PIK3C2G: variants seen among roughly 807,000 people sequenced by gnomAD.
PIK3C2G encodes the protein phosphatidylinositol-4-phosphate 3-kinase catalytic subunit type 2 gamma, also known as phosphatidylinositol 3-kinase C2 domain-containing subunit gamma.
In PIK3C2G, 168 loss-of-function variants were observed where a neutral mutation model predicts 181.1. The ratio of observed to expected loss-of-function variants is 0.93; its 90% CI spans 0.82 to 1.05. The LOEUF (loss-of-function observed/expected upper bound fraction) is 1.05, where lower values mean the gene tolerates loss of function less well. Among genes scored for constraint, PIK3C2G ranks in the 50% least tolerant of loss-of-function variants. The pLI is 0.00. For synonymous variants in PIK3C2G, 573 were observed against 592.2 expected, an observed-to-expected ratio of 0.97 and a Z score of 0.47; for missense variants, 1,869 against 1,732.8, an observed-to-expected ratio of 1.08 and a Z score of -1.40.
intron 24 of PIK3C2G, among the ~76,000 whole-genome samples, chr12:18,533,378 T>C (rs1053809700): frequency 6.6e-5 from 10 of 152,136 alleles, no homozygotes; most frequent in African/African-American, 2.4e-4. Context: ...TTGGCACCTC[T>C]TCTCCCTCTC....
intron 29 of PIK3C2G, among the ~76,000 whole-genome samples, chr12:18,593,326 T>C (rs1413760749): frequency 2.0e-5 from 3 of 151,922 alleles, no homozygotes; most frequent in African/African-American, 7.3e-5. Flanking sequence ...CATTTTTTTT[T>C]CCATTGTAAG....
intron 3 of PIK3C2G, among the ~76,000 whole-genome samples, chr12:18,290,287 T>C (rs1949635062): frequency 6.6e-6 from 1 of 152,318 alleles, no homozygotes. Flanking sequence ...CTCATTTATG[T>C]GTAAGCAATT....
At chr12:18,348,208 T>C (rs73064562) in intron 11 of PIK3C2G, among the ~76,000 whole-genome samples, 16,984 of 151,858 alleles carry the variant, frequency 0.11, 1,300 homozygotes, top group Admixed American at 0.25. Context: ...AGGATAAATA[T>C]ATATATAAAT....
At chr12:18,539,172 C>G (rs963844572) in intron 25 of PIK3C2G, among the ~76,000 whole-genome samples, 1 of 151,846 alleles carries the variant, frequency 6.6e-6, no homozygotes, top group African/African-American at 2.4e-5. Context: ...GGTTTCAATC[C>G]TAGTTTGGCA....
chr12:18,503,836 T>C (rs1941658722), intron 23 of PIK3C2G, among the ~76,000 whole-genome samples: 1 of 152,244 alleles, frequency 6.6e-6, no homozygotes, highest in Non-Finnish European at 1.5e-5. Context: ...AGAGTTTATG[T>C]ATGTCATAAT....
Position 18,420,941 on chromosome 12 carries a change from T to G in PIK3C2G, c.2316T>G (p.Ser772Arg), listed in dbSNP as rs1337710646. 1.3e-6 allele frequency: 2 copies of G among 1,546,784 alleles called. No individual in the cohort carries two copies. The highest frequency in any genetic ancestry group is 2.7e-5 in the African/African-American group (2 of 73,500). The change falls in exon 17 of 33, where the codon AGT (serine) becomes AGG (arginine). Residue 772 changes from serine (S) to arginine (R), a missense_variant and splice_region_variant. Transcript: ENST00000538779. ...AGTGGATATATTTACTGTGTATTAG[T>G]TTTCCAGATCAAGAAATTCGTAAAG... ...PLEALGLLTS[S>R]FPDQEIRKVA...
intron 32 of PIK3C2G, among the ~76,000 whole-genome samples, chr12:18,647,102 T>A (rs1452975825): frequency 1.3e-5 from 2 of 152,142 alleles, no homozygotes; most frequent in Non-Finnish European, 2.9e-5. Flanking sequence ...TTCATGCAGA[T>A]TTTATTTAAT....
chr12:18,364,210 C>T (rs1255437097), intron 12 of PIK3C2G, among the ~76,000 whole-genome samples: 2 of 152,202 alleles, frequency 1.3e-5, no homozygotes, highest in African/African-American at 2.4e-5. Flanking sequence ...GTCCACCAGT[C>T]ATTCTTTGCA....
chr12:18,609,585 G>A lies in PIK3C2G; in HGVS notation c.4138G>A (p.Glu1380Lys), dbSNP rs770728627. The A allele has an allele frequency of 1.4e-5, 22 of 1,588,094 alleles. No homozygotes were observed. The highest frequency in any genetic ancestry group is 4.0e-5 in the African/African-American group (3 of 74,460). ...KPKVQLVISY[E>K]DVKLTILVKH... ...TAAGGTGCAGTTAGTCATATCCTAC[G>A]AGGATGTGAAGCTGACCATACTAGT... The change falls in exon 31 of 33, where the codon GAG becomes AAG. Residue 1380 changes from glutamate (E) to lysine (K), a missense_variant. Glu to Lys is a moderately conservative substitution (Grantham distance 56). Coordinates refer to ENST00000538779, the MANE Select transcript of PIK3C2G (RefSeq NM_001288772.2).
intron 27 of PIK3C2G, 131 bp from the exon 28 acceptor site, chr12:18,563,246 A>G (rs1236165640): frequency 1.3e-6 from 1 of 780,490 alleles, no homozygotes; most frequent in Non-Finnish European, 2.0e-6. Flanking sequence ...TACAAAATGC[A>G]TCTCCTAGCT....
chr12:18,525,690 C>T (rs1408371524), intron 24 of PIK3C2G, among the ~76,000 whole-genome samples: 1 of 152,150 alleles, frequency 6.6e-6, no homozygotes, highest in Non-Finnish European at 1.5e-5. Context: ...ATTTACACCA[C>T]ATAAAATTGG....
chr12:18,315,539 TTAAGGTCTG>T (rs1950822908), intron 6 of PIK3C2G, among the ~76,000 whole-genome samples: 1 of 152,176 alleles, frequency 6.6e-6, no homozygotes, highest in African/African-American at 2.4e-5. Context: ...CTCATGTAAA[TTAAGGTCTG>T]TTTAAAAACT....
At chr12:18,295,006 C>CCAAT (rs2137234625) in intron 5 of PIK3C2G, among the ~76,000 whole-genome samples, 1 of 150,402 alleles carries the variant, frequency 6.6e-6, no homozygotes, top group Non-Finnish European at 1.5e-5. Flanking sequence ...GGCCTTAAGA[C>CCAAT]TATTTTCCTT....
chr12:18,481,823 A>G (rs544510650), intron 18 of PIK3C2G, among the ~76,000 whole-genome samples: 1 of 152,214 alleles, frequency 6.6e-6, no homozygotes, highest in Admixed American at 6.5e-5. Flanking sequence ...CTACTGCCCC[A>G]GAATAAGATC....
chr12:18,659,529 A>T, the PIK3C2G span, among the ~76,000 whole-genome samples: 1 of 152,198 alleles, frequency 6.6e-6, no homozygotes, highest in East Asian at 1.9e-4. Context: ...CATTTAATGC[A>T]TAGACTTCCT....
chr12:18,540,645 T>A (rs184198263), intron 25 of PIK3C2G, among the ~76,000 whole-genome samples: 71 of 152,028 alleles, frequency 4.7e-4, no homozygotes, highest in Non-Finnish European at 7.2e-4. Context: ...TTATCATTAA[T>A]CACTTGTTGA....
Position 18,362,780 on chromosome 12 carries a change from T to G in PIK3C2G, c.1642T>G (p.Phe548Val). The change falls in exon 12 of 33, where the codon TTT (phenylalanine) becomes GTT (valine). Residue 548 changes from phenylalanine to valine, a missense_variant. Transcript: ENST00000538779. ...TCATTTTAGCTACAAAGCGTTTTCT[T>G]TTACCTGTTGGCTTACATATGCTGG... The part of the protein sequence containing the change: ...TWVHSYKAFS[F>V]TCWLTYAGKK... 1 of 1,521,944 alleles carries G rather than the reference T, an allele frequency of 6.6e-7. No homozygotes were observed. The highest frequency in any genetic ancestry group is 8.8e-7 in the Non-Finnish European group (1 of 1,142,430). The allele number at this position is 1,521,944 out of a possible 1,614,324, so 94.3% of individuals were successfully genotyped here.
At chr12:18,476,234 G>A (rs577513506) in intron 18 of PIK3C2G, among the ~76,000 whole-genome samples, 2 of 152,224 alleles carry the variant, frequency 1.3e-5, no homozygotes, top group East Asian at 3.9e-4. Context: ...CACAGATGTT[G>A]TATAGAAGCA....
intron 4 of PIK3C2G, among the ~76,000 whole-genome samples, chr12:18,293,634 G>T (rs918348766): frequency 6.6e-6 from 1 of 151,956 alleles, no homozygotes; most frequent in Non-Finnish European, 1.5e-5. Flanking sequence ...GTGTACCAAG[G>T]GCTTTAACAT....
Sources: allele counts gnomAD v4.1 joint callset (sites outside exome capture counted in the v4.1 genomes callset), GRCh38; gene constraint gnomAD v4.1.1; transcripts MANE v1.5; gene names NCBI Gene and HGNC (gene_info 2026-07-23, HGNC 2026-07-21).